TNIP3: variants seen among roughly 807,000 people sequenced by gnomAD.
TNIP3 encodes the protein TNFAIP3 interacting protein 3, also known as TNFAIP3-interacting protein 3.
TNIP3 carries 34 observed loss-of-function variants against 54.1 expected under a neutral mutation model. The ratio of observed to expected loss-of-function variants is 0.63; its 90% CI spans 0.48 to 0.84. TNIP3 has a LOEUF of 0.84. TNIP3 is among the 40% of genes least tolerant of loss of function. The pLI is 0.00. For synonymous variants in TNIP3, 134 were observed against 136.8 expected, an observed-to-expected ratio of 0.98 and a Z score of 0.14; for missense variants, 366 against 387.6, an observed-to-expected ratio of 0.94 and a Z score of 0.47.
chr4:121,168,730 C>T (rs1393382603), upstream of TNIP3, among the ~76,000 whole-genome samples: 2 of 152,016 alleles, frequency 1.3e-5, no homozygotes, highest in Non-Finnish European at 2.9e-5. Context: ...ATATTGCCCA[C>T]ACTGGTCTTG....
chr4:121,208,802 G>T (rs1726321693), intron 2 of TNIP3, among the ~76,000 whole-genome samples: 2 of 152,158 alleles, frequency 1.3e-5, no homozygotes, highest in Non-Finnish European at 2.9e-5. Context: ...ACTGTCTCTT[G>T]TTATTTTAAC....
At chr4:121,185,887 A>T (rs7684167) in intron 2 of TNIP3, among the ~76,000 whole-genome samples, 1 of 151,856 alleles carries the variant, frequency 6.6e-6, no homozygotes, top group Non-Finnish European at 1.5e-5. Context: ...CTGACTTTTC[A>T]CAGAAATAAT....
At chr4:121,138,743 CA>C in intron 9 of TNIP3, 59 bp from the exon 10 acceptor site, 1 of 1,453,918 alleles carries the variant, frequency 6.9e-7, no homozygotes, top group Non-Finnish European at 9.7e-7. Context: ...AGTGGCATGT[CA>C]AAAATACAAT....
At chr4:121,181,512 G>A (rs984541319) in intron 3 of TNIP3, among the ~76,000 whole-genome samples, 5 of 152,036 alleles carry the variant, frequency 3.3e-5, no homozygotes, top group Admixed American at 2.0e-4. Flanking sequence ...TTTTAGACAC[G>A]AAAAAGTGAC....
chr4:121,201,881 T>G (rs974325147), intron 2 of TNIP3, among the ~76,000 whole-genome samples: 2 of 152,148 alleles, frequency 1.3e-5, no homozygotes, highest in Non-Finnish European at 2.9e-5. Flanking sequence ...CACATTATTT[T>G]GAAGCATTGA....
intron 2 of TNIP3, among the ~76,000 whole-genome samples, chr4:121,188,679 G>A (rs1725147418): frequency 6.6e-6 from 1 of 152,146 alleles, no homozygotes; most frequent in Admixed American, 6.6e-5. Context: ...TGCCTTGAAT[G>A]GCAGTTTTGT....
At chr4:121,166,031 G>C (rs1730749913), upstream of TNIP3, among the ~76,000 whole-genome samples, 1 of 152,108 alleles carries the variant, frequency 6.6e-6, no homozygotes, top group African/African-American at 2.4e-5. Flanking sequence ...TATTTGTATA[G>C]GGATGTGGTA....
intron 2 of TNIP3, among the ~76,000 whole-genome samples, chr4:121,203,909 A>G (rs1014476672): frequency 3.3e-5 from 5 of 149,268 alleles, no homozygotes; most frequent in African/African-American, 7.3e-5. Context: ...ATATGTGTGT[A>G]TATATATATA....
chr4:121,141,979 C>CT, intron 8 of TNIP3, 65 bp from the exon 9 acceptor site: 1 of 1,139,920 alleles, frequency 8.8e-7, no homozygotes, highest in African/African-American at 1.6e-5. Flanking sequence ...AGTGACATTG[C>CT]TTTATACAAA....
upstream of TNIP3, among the ~76,000 whole-genome samples, chr4:121,168,783 A>AG (rs1008438402): frequency 2.0e-5 from 3 of 151,814 alleles, no homozygotes; most frequent in African/African-American, 7.3e-5. Flanking sequence ...GCTTCTCAAA[A>AG]AAAATGCCTT....
At chr4:121,200,583 C>T (rs1369703516) in intron 2 of TNIP3, among the ~76,000 whole-genome samples, 3 of 152,040 alleles carry the variant, frequency 2.0e-5, no homozygotes, top group African/African-American at 7.2e-5. Flanking sequence ...TTAGTAACCA[C>T]CAACAAACTG....
At chr4:121,218,993 A>G (rs1411965171), upstream of TNIP3, among the ~76,000 whole-genome samples, 1 of 152,236 alleles carries the variant, frequency 6.6e-6, no homozygotes, top group Non-Finnish European at 1.5e-5. Context: ...TGAGGTCAGG[A>G]GTTCGAGACC....
At chr4:121,202,251 A>G (rs1210667364) in intron 2 of TNIP3, among the ~76,000 whole-genome samples, 1 of 152,188 alleles carries the variant, frequency 6.6e-6, no homozygotes, top group African/African-American at 2.4e-5. Flanking sequence ...GAACCCAGCA[A>G]TAAGGCCAAA....
chr4:121,161,324 T>G (rs1488434182), intron 1 of TNIP3, 108 bp from the exon 2 acceptor site: 1 of 890,692 alleles, frequency 1.1e-6, no homozygotes, highest in Non-Finnish European at 1.7e-6. Flanking sequence ...CTGTTGCGAT[T>G]TAAAAAATAC....
chr4:121,154,584 T>C lies in TNIP3; in HGVS notation c.459A>G (p.Glu153=), dbSNP rs17051298. Residue 153 remains glutamate (E), a synonymous_variant, in exon 5 of 11, where the codon GAA becomes GAG. Coordinates refer to ENST00000057513, the MANE Select transcript of TNIP3 (RefSeq NM_024873.6). ...GGCGTTTTATTTCACATTCGTAATG[T>C]TCCTTTTCCTTGTTCGCAAGAGTAT... ...GKNTLANKEK[E]HYECEIKRLN... 0.081 allele frequency: 130,515 copies of C among 1,613,394 alleles called. 8,710 individuals are homozygous for C. The highest frequency in any genetic ancestry group is 0.32 in the South Asian group (29,092 of 90,992).
intron 2 of TNIP3, among the ~76,000 whole-genome samples, chr4:121,184,889 G>C (rs1724925890): frequency 6.6e-6 from 1 of 152,178 alleles, no homozygotes; most frequent in South Asian, 2.1e-4. Context: ...CCACAAACCT[G>C]TGAGGAGGAA....
chr4:121,182,639 G>C, intron 3 of TNIP3: 1 of 1,532,036 alleles, frequency 6.5e-7, no homozygotes. Context: ...CTGCTGAAGG[G>C]TACATCGAGA....
At chr4:121,161,555 A>G (rs1434746014) in intron 1 of TNIP3, among the ~76,000 whole-genome samples, 1 of 152,254 alleles carries the variant, frequency 6.6e-6, no homozygotes, top group Non-Finnish European at 1.5e-5. Flanking sequence ...CAATTCAGAA[A>G]TCAGGTAAGT....
upstream of TNIP3, among the ~76,000 whole-genome samples, chr4:121,220,294 A>G (rs946399332): frequency 6.6e-6 from 1 of 152,244 alleles, no homozygotes; most frequent in African/African-American, 2.4e-5. Flanking sequence ...GTCACTGAAA[A>G]TACATAGGTG....
Sources: allele counts gnomAD v4.1 joint callset (sites outside exome capture counted in the v4.1 genomes callset), GRCh38; gene constraint gnomAD v4.1.1; transcripts MANE v1.5; gene names NCBI Gene and HGNC (gene_info 2026-07-23, HGNC 2026-07-21).